SV2C: variants seen among roughly 807,000 people sequenced by gnomAD.
The protein encoded by SV2C is solute carrier family 22 member B3.
In SV2C, 49 loss-of-function variants were observed where a neutral mutation model predicts 79.7. That is an observed-to-expected ratio of 0.61 (90% CI 0.49 to 0.78). The LOEUF is 0.78. Among genes scored for constraint, SV2C ranks in the 30% least tolerant of loss-of-function variants. SV2C has a pLI of 0.00. For synonymous variants in SV2C, 334 were observed against 333.2 expected (o/e 1.00, Z -0.03); for missense variants, 833 against 912.9 (o/e 0.91, Z 1.13).
At chr5:76,292,851 T>G (rs528371828) in intron 8 of SV2C, among the ~76,000 whole-genome samples, 85 of 152,320 alleles carry the variant, frequency 5.6e-4, no homozygotes, top group African/African-American at 1.8e-3. Context: ...TGTGTACAAC[T>G]CTATTGTTGC....
chr5:75,928,422 A>G, the SV2C span, among the ~76,000 whole-genome samples: 2 of 152,116 alleles, frequency 1.3e-5, no homozygotes, highest in Non-Finnish European at 2.9e-5. Context: ...TGCTGCATGT[A>G]TTTACTTAGT....
intron 2 of SV2C, among the ~76,000 whole-genome samples, chr5:76,155,490 A>G (rs1742696481): frequency 6.6e-6 from 1 of 152,136 alleles, no homozygotes; most frequent in South Asian, 2.1e-4. Flanking sequence ...TTGTCTTGGA[A>G]AGGACAGTAT....
At chr5:75,987,743 AAAACTT>A in the SV2C span, among the ~76,000 whole-genome samples, 3 of 152,042 alleles carry the variant, frequency 2.0e-5, no homozygotes, top group African/African-American at 7.2e-5. Flanking sequence ...GTATTCTTGA[AAAACTT>A]AAACAATATT....
intron 12 of SV2C, among the ~76,000 whole-genome samples, chr5:76,322,581 C>T (rs1047110657): frequency 4.6e-5 from 7 of 152,178 alleles, no homozygotes; most frequent in Non-Finnish European, 8.8e-5. Context: ...ATAGCCAAGA[C>T]AATCCTAAGC....
At chr5:76,151,636 A>C (rs776602206) in intron 2 of SV2C, among the ~76,000 whole-genome samples, 9 of 152,192 alleles carry the variant, frequency 5.9e-5, no homozygotes, top group Non-Finnish European at 1.3e-4. Flanking sequence ...GTCATATGGT[A>C]CTGGGACCTC....
intron 4 of SV2C, among the ~76,000 whole-genome samples, chr5:76,267,339 C>A (rs1746695060): frequency 6.6e-6 from 1 of 152,032 alleles, no homozygotes; most frequent in Non-Finnish European, 1.5e-5. Context: ...AGTCTCTGAA[C>A]CTATTCTGGT....
In SV2C at chr5:76,298,819, G is replaced by A. The variant is rs756150629; in HGVS notation, c.1528G>A (p.Val510Ile). 85 of 1,613,932 alleles carry A rather than the reference G, an allele frequency of 5.3e-5. No individual in the cohort carries two copies. In the East Asian group the frequency reaches 8.2e-4, roughly 16 times the overall value. Residue 510 changes from valine (V) to isoleucine (I), a missense_variant, in exon 10 of 13, where the codon GTA (valine) becomes ATA (isoleucine). Coordinates refer to ENST00000502798, the MANE Select transcript of SV2C (RefSeq NM_014979.4). ...ATTCATAGGGGTCAAGTTCAAATCT[G>A]TAACTTTCAAAGACTCTGTTTTTAA... ...GRFIGVKFKS[V>I]TFKDSVFKSC...
intron 6 of SV2C, 24 bp downstream of exon 6, chr5:76,285,894 C>T: frequency 1.3e-6 from 2 of 1,598,130 alleles, no homozygotes; most frequent in Non-Finnish European, 1.7e-6. Context: ...CCAGAGAATC[C>T]TCAACACCAG....
intron 12 of SV2C, among the ~76,000 whole-genome samples, chr5:76,344,722 T>C (rs948460797): frequency 9.2e-5 from 14 of 152,142 alleles, no homozygotes; most frequent in Non-Finnish European, 1.3e-4. Context: ...AATAAATAAA[T>C]AAATAATTTT....
the SV2C span, among the ~76,000 whole-genome samples, chr5:75,979,301 C>T: frequency 6.6e-6 from 1 of 152,122 alleles, no homozygotes; most frequent in South Asian, 2.1e-4. Context: ...TAACACCGCA[C>T]TGTCAATATT....
chr5:75,901,568 C>G, the SV2C span, among the ~76,000 whole-genome samples: 52,242 of 152,198 alleles, frequency 0.34, 12,142 homozygotes, highest in African/African-American at 0.67. Context: ...CAATCTGCCC[C>G]TTCTCAGATC....
At chr5:75,860,872 T>C in the SV2C span, among the ~76,000 whole-genome samples, 2 of 152,210 alleles carry the variant, frequency 1.3e-5, no homozygotes, top group Non-Finnish European at 2.9e-5. Flanking sequence ...CTGGGATAGC[T>C]GGCTAGCCAT....
At chr5:76,009,049 C>A in the SV2C span, among the ~76,000 whole-genome samples, 1 of 152,104 alleles carries the variant, frequency 6.6e-6, no homozygotes, top group African/African-American at 2.4e-5. Flanking sequence ...TCAGTGAGGC[C>A]CACCATGTCC....
chr5:75,916,927 G>A, the SV2C span, among the ~76,000 whole-genome samples: 4 of 152,170 alleles, frequency 2.6e-5, no homozygotes, highest in Non-Finnish European at 5.9e-5. Flanking sequence ...GTTGGCAGGT[G>A]CCTGGACAAA....
chr5:75,982,402 A>T, the SV2C span, among the ~76,000 whole-genome samples: 5 of 152,274 alleles, frequency 3.3e-5, 1 homozygote, highest in Admixed American at 2.0e-4. Context: ...GCAAATCAAA[A>T]CCACAATGAG....
At chr5:75,922,797 CCCAAAA>C in the SV2C span, among the ~76,000 whole-genome samples, 24 of 152,300 alleles carry the variant, frequency 1.6e-4, no homozygotes, top group African/African-American at 4.6e-4. Flanking sequence ...CAACCCAGAT[CCCAAAA>C]TCATCACATG....
chr5:76,337,206 T>C (rs1329001292), downstream of SV2C, among the ~76,000 whole-genome samples: 1 of 152,108 alleles, frequency 6.6e-6, no homozygotes, highest in Non-Finnish European at 1.5e-5. Flanking sequence ...GGGTTGGGTT[T>C]TTCTCAGGAC....
chr5:76,074,277 G>T, the SV2C span, among the ~76,000 whole-genome samples: 1 of 152,154 alleles, frequency 6.6e-6, no homozygotes, highest in Non-Finnish European at 1.5e-5. Flanking sequence ...CCACAATGCT[G>T]TGTGATGCGG....
chr5:76,273,815 G>GTGC (rs1257819676), intron 4 of SV2C, among the ~76,000 whole-genome samples: 2 of 152,196 alleles, frequency 1.3e-5, no homozygotes, highest in African/African-American at 2.4e-5. Flanking sequence ...GCATGATTAT[G>GTGC]TGCTGCAGGC....
Sources: gnomAD v4.1 joint callset for allele counts (sites outside exome capture counted in the v4.1 genomes callset) on GRCh38, gnomAD v4.1.1 for gene constraint, MANE v1.5 for transcripts, NCBI Gene and HGNC (gene_info 2026-07-23, HGNC 2026-07-21) for gene names.